CTNNA3: variants seen among roughly 807,000 people sequenced by gnomAD.
CTNNA3 encodes catenin alpha 3.
A neutral mutation model predicts 95.7 loss-of-function variants in CTNNA3; 76 were observed. That is an observed-to-expected ratio of 0.79 (90% CI 0.66 to 0.96). The LOEUF is 0.96. CTNNA3 is among the 40% of genes least tolerant of loss of function. CTNNA3 has a pLI of 0.00. For synonymous variants in CTNNA3, 431 were observed against 374.4 expected (o/e 1.15, Z -1.74); for missense variants, 1,191 against 1,089.8 (o/e 1.09, Z -1.31).
chr10:66,989,431 T>G (rs1850920450), intron 7 of CTNNA3, among the ~76,000 whole-genome samples: 1 of 152,186 alleles, frequency 6.6e-6, no homozygotes, highest in South Asian at 2.1e-4. Flanking sequence ...AGAATTAGAC[T>G]ACTTTAATAG....
chr10:66,545,585 C>T (rs1015910460), intron 10 of CTNNA3, among the ~76,000 whole-genome samples: 2 of 152,010 alleles, frequency 1.3e-5, no homozygotes, highest in African/African-American at 4.8e-5. Flanking sequence ...AGTGTATTAA[C>T]TTTTCATTTC....
rs1263380651 is a variant in CTNNA3 at position 67,617,250 on chromosome 10, C to A, written c.100-10201G>T. Among the ~76,000 whole-genome samples the A allele has an allele frequency of 2.0e-5, 3 of 152,102 alleles. No homozygotes were observed. The East Asian group carries it at 5.8e-4, about 29-fold the overall frequency. On this transcript the variant is annotated intron_variant, in intron 2 of 17. Transcript: ENST00000433211. ...CACTCAATAGTTATTTTTCATGATT[C>A]TCTCCCTCCACCCTCTTATAGGACC... is the stretch of plus-strand genomic sequence containing the variant.
At chr10:66,825,042 CAA>C (rs898125657) in intron 7 of CTNNA3, among the ~76,000 whole-genome samples, 1 of 139,752 alleles carries the variant, frequency 7.2e-6, no homozygotes, top group Non-Finnish European at 1.6e-5. Flanking sequence ...TCTAAATTTT[CAA>C]AAAAAAAAAA....
intron 10 of CTNNA3, among the ~76,000 whole-genome samples, chr10:66,549,288 G>A (rs1251488914): frequency 1.3e-5 from 2 of 152,110 alleles, no homozygotes; most frequent in Non-Finnish European, 2.9e-5. Context: ...GAGCCACCAC[G>A]CCCGGCCGCC....
chr10:67,148,710 A>T (rs1027208341), intron 7 of CTNNA3, among the ~76,000 whole-genome samples: 8 of 152,196 alleles, frequency 5.3e-5, no homozygotes, highest in Admixed American at 2.6e-4. Flanking sequence ...GTGGGAGCAA[A>T]TGTGACCCAA....
intron 2 of CTNNA3, among the ~76,000 whole-genome samples, chr10:67,612,512 T>C (rs2133390134): frequency 6.6e-6 from 1 of 152,212 alleles, no homozygotes; most frequent in South Asian, 2.1e-4. Flanking sequence ...TGTCTGAAAA[T>C]AGCAGATAGC....
chr10:66,269,435 G>A (rs2091229999), intron 13 of CTNNA3, among the ~76,000 whole-genome samples: 1 of 151,896 alleles, frequency 6.6e-6, no homozygotes, highest in African/African-American at 2.4e-5. Flanking sequence ...AAAATCCCTG[G>A]TTTTATTTTA....
chr10:66,766,354 C>G lies in CTNNA3; in HGVS notation c.1191G>C (p.Leu397Phe), dbSNP rs751931703. The G allele has an allele frequency of 6.8e-6, 11 of 1,613,598 alleles. No homozygotes were observed. The highest frequency in any genetic ancestry group is 1.3e-5 in the African/African-American group (1 of 74,982). ...DSFLDTTVPL[L>F]VLIEAAKNGR... ...CATTCTTAGCAGCTTCAATGAGAAC[C>G]AAAAGAGGGACTGTCGTATCCAGGA... Residue 397 changes from leucine to phenylalanine, a missense_variant, in exon 9 of 18, where the codon TTG becomes TTC. Physicochemically the swap from Leu to Phe is conservative, Grantham distance 22 (BLOSUM62 0). Coordinates refer to ENST00000433211, the MANE Select transcript of CTNNA3 (RefSeq NM_013266.4).
In CTNNA3 at chr10:66,917,613, TC is replaced by T. The variant is rs1158687525; in HGVS notation, c.1048-142090del. The stretch of plus-strand genomic sequence containing the variant: ...AAAACCAACCTATGGCATAGCTGTT[TC>T]TTTATCAAAATCAAGATTGTCTATT... On this transcript the variant is annotated intron_variant, in intron 7 of 17. Coordinates refer to ENST00000433211, the MANE Select transcript of CTNNA3 (RefSeq NM_013266.4). 3.3e-5 allele frequency among the ~76,000 whole-genome samples: 5 copies of T among 152,352 alleles called. No homozygotes were observed. In the South Asian group the frequency reaches 6.2e-4, roughly 19 times the overall value.
rs11369576 is a variant in CTNNA3, at chr10:67,005,682, CTTT to C, written c.1047+174632_1047+174634del. ...AATGCTTTTGTTTATTTTACTCCAT[CTTT>C]TTTTTTTTTTTTTTTTTTGAGACGG... On this transcript the variant is annotated intron_variant, in intron 7 of 17. Transcript: ENST00000433211. Among the ~76,000 whole-genome samples the C allele has an allele frequency of 4.4e-4, 27 of 61,986 alleles. 1 individual carries two copies. Among genetic ancestry groups the C allele is most frequent in the East Asian group, 4.1e-3 (6 of 1,460 alleles). 40.7% of individuals were successfully genotyped at this position (61,986 alleles called of 152,430 possible). A position where few individuals can be genotyped will look rare whatever the true frequency, so the allele number is the denominator to read the frequency against.
intron 7 of CTNNA3, among the ~76,000 whole-genome samples, chr10:67,070,052 C>T (rs1467827051): frequency 6.6e-6 from 1 of 152,174 alleles, no homozygotes; most frequent in Non-Finnish European, 1.5e-5. Context: ...ACATCGTTGA[C>T]CAACACATAT....
intron 11 of CTNNA3, among the ~76,000 whole-genome samples, chr10:66,384,947 T>C (rs1589170708): frequency 6.6e-6 from 1 of 152,242 alleles, no homozygotes; most frequent in African/African-American, 2.4e-5. Flanking sequence ...AAGCAGTGTG[T>C]AGAGGGAAAT....
At position 66,300,061 on chromosome 10, in the gene CTNNA3, T is replaced by G. The variant is rs2091839155; in HGVS notation, c.1733-19440A>C. ...GTGCCTGCCACCATGCCTGGCTAAT[T>G]TTTTATATTTTTAGTAGAGACGGGT... On this transcript the variant is annotated intron_variant, in intron 12 of 17. Coordinates refer to ENST00000433211, the MANE Select transcript of CTNNA3 (RefSeq NM_013266.4). 2.6e-5 allele frequency among the ~76,000 whole-genome samples: 4 copies of G among 151,532 alleles called. No homozygotes were observed. The South Asian group carries it at 8.3e-4, about 32-fold the overall frequency.
intron 7 of CTNNA3, chr10:66,926,395 C>T (rs1040812168): frequency 6.1e-6 from 4 of 658,244 alleles, no homozygotes; most frequent in Non-Finnish European, 1.1e-5. Context: ...TTTATTTGTT[C>T]TTGGAGTGTT....
rs1186188348 is a variant in CTNNA3 at position 66,740,105 on chromosome 10, G to C, written c.1281+26159C>G. Among the ~76,000 whole-genome samples the C allele has an allele frequency of 3.3e-5, 5 of 152,180 alleles. No individual in the cohort carries two copies. In the South Asian group the frequency reaches 8.3e-4, roughly 25 times the overall value. ...TGTTTCTCTTTCTCTTTGTTGCTTT[G>C]AGTTATTAAACAAGAGCGGGGGACT... On this transcript the variant is annotated intron_variant, in intron 9 of 17. Transcript: ENST00000433211.
At chr10:67,746,189 G>C (rs1841374319) in intron 1 of CTNNA3, among the ~76,000 whole-genome samples, 1 of 152,136 alleles carries the variant, frequency 6.6e-6, no homozygotes, top group Non-Finnish European at 1.5e-5. Flanking sequence ...CAAAGCTATA[G>C]TAACAAAATC....
intron 1 of CTNNA3, among the ~76,000 whole-genome samples, chr10:67,693,246 C>T (rs564874893): frequency 2.6e-5 from 4 of 152,246 alleles, no homozygotes; most frequent in Admixed American, 1.3e-4. Flanking sequence ...ATTCTGCAGC[C>T]TCAATTATCT....
At chr10:66,370,901 T>C (rs1345196604) in intron 12 of CTNNA3, among the ~76,000 whole-genome samples, 1 of 152,056 alleles carries the variant, frequency 6.6e-6, no homozygotes, top group East Asian at 1.9e-4. Flanking sequence ...TATTTTCTTC[T>C]TTTGTAGAGC....
chr10:67,408,969 CA>C (rs1033984423), intron 5 of CTNNA3, among the ~76,000 whole-genome samples: 88 of 146,992 alleles, frequency 6.0e-4, no homozygotes, highest in African/African-American at 2.1e-3. Flanking sequence ...ATGTGGCCAA[CA>C]AACATGTGAA....
Sources: allele counts gnomAD v4.1 joint callset (sites outside exome capture counted in the v4.1 genomes callset), GRCh38; gene constraint gnomAD v4.1.1; transcripts MANE v1.5; gene names NCBI Gene and HGNC (gene_info 2026-07-23, HGNC 2026-07-21).